The following AGPS variants were observed in gnomAD, a reference collection of about 807,000 sequenced individuals.
AGPS encodes the protein alkylglycerone phosphate synthase, also known as alkyldihydroxyacetonephosphate synthase, peroxisomal.
Under a neutral mutation model 90.7 loss-of-function variants are expected in AGPS, and 26 were observed. The observed-to-expected ratio is 0.29, with a 90% confidence interval of 0.21 to 0.40. AGPS has a LOEUF of 0.40. Among genes scored for constraint, AGPS ranks in the 10% least tolerant of loss-of-function variants. The probability of loss-of-function intolerance (pLI) is 1.00; values close to 1 mark genes in which losing one functional copy is unlikely to be tolerated. For synonymous variants in AGPS, 294 were observed against 285.3 expected, an observed-to-expected ratio of 1.03 and a Z score of -0.31; for missense variants, 540 against 816.1, an observed-to-expected ratio of 0.66 and a Z score of 4.12.
chr2:177,429,335 C>T (rs932289558), intron 2 of AGPS, among the ~76,000 whole-genome samples: 1 of 152,186 alleles, frequency 6.6e-6, no homozygotes, highest in Non-Finnish European at 1.5e-5. Context: ...CAGCCTTAGC[C>T]CAGTTCTCTG....
chr2:177,533,292 C>T (rs2079154157), intron 19 of AGPS, among the ~76,000 whole-genome samples: 1 of 152,158 alleles, frequency 6.6e-6, no homozygotes, highest in African/African-American at 2.4e-5. Flanking sequence ...GAACATTAAA[C>T]TATTAATATT....
intron 1 of AGPS, among the ~76,000 whole-genome samples, chr2:177,409,451 A>G (rs1487033522): frequency 2.0e-5 from 3 of 146,948 alleles, no homozygotes; most frequent in African/African-American, 7.6e-5. Flanking sequence ...CCTCTTTACT[A>G]TCTGATTGGT....
chr2:177,488,971 A>T (rs903809823), intron 11 of AGPS, among the ~76,000 whole-genome samples: 3 of 152,174 alleles, frequency 2.0e-5, no homozygotes, highest in African/African-American at 7.2e-5. Flanking sequence ...TAGTCTTTTA[A>T]GAGGTGCCTT....
chr2:177,468,208 T>C (rs1687513800), intron 9 of AGPS, among the ~76,000 whole-genome samples: 1 of 152,144 alleles, frequency 6.6e-6, no homozygotes, highest in Non-Finnish European at 1.5e-5. Flanking sequence ...AATCTTAGAA[T>C]GGTTTTTCCC....
At chr2:177,408,027 C>T (rs1272245550) in intron 1 of AGPS, among the ~76,000 whole-genome samples, 1 of 152,078 alleles carries the variant, frequency 6.6e-6, no homozygotes, top group Admixed American at 6.5e-5. Context: ...GGTGGTTCTC[C>T]CACCTCAGTC....
intron 15 of AGPS, among the ~76,000 whole-genome samples, 179 bp from the exon 16 acceptor site, chr2:177,507,791 G>A (rs1422417399): frequency 6.6e-6 from 1 of 152,206 alleles, no homozygotes; most frequent in Non-Finnish European, 1.5e-5. Flanking sequence ...CTTTAGTTAC[G>A]GAGGCTGCAT....
At position 177,493,186 on chromosome 2, in the gene AGPS, G is replaced by T; in HGVS notation, c.1272G>T (p.Lys424Asn). 1.2e-6 allele frequency: 2 copies of T among 1,613,104 alleles called. No individual in the cohort carries two copies. The highest frequency in any genetic ancestry group is 1.7e-6 in the Non-Finnish European group (2 of 1,179,414). The change falls in exon 12 of 20, where the codon AAG becomes AAT. Residue 424 changes from lysine (K) to asparagine (N), a missense_variant. Lys to Asn is a moderately conservative substitution (Grantham distance 94). This residue lies in a region of AGPS where 405 missense variants were observed against 692.1 expected (regional missense o/e 0.59). Transcript: ENST00000264167. ...CATCTATTCGCCTCATGGACAACAA[G>T]CAGTTTCAGTTTGGTAAGTAAGGAG... ...APASIRLMDN[K>N]QFQFGHALKP...
At chr2:177,429,401 T>C (rs1686173902) in intron 2 of AGPS, among the ~76,000 whole-genome samples, 1 of 152,208 alleles carries the variant, frequency 6.6e-6, no homozygotes. Context: ...TCTGGCTTTT[T>C]GAGTTTTCAG....
At chr2:177,454,411 C>T (rs1158506494) in intron 8 of AGPS, among the ~76,000 whole-genome samples, 1 of 151,664 alleles carries the variant, frequency 6.6e-6, no homozygotes, top group Non-Finnish European at 1.5e-5. Context: ...CTTTTTATAT[C>T]TTGCATGTCT....
At chr2:177,469,774 T>C (rs1687558190) in intron 10 of AGPS, among the ~76,000 whole-genome samples, 1 of 152,202 alleles carries the variant, frequency 6.6e-6, no homozygotes. Context: ...ATTATTGATA[T>C]TTACATAATT....
At chr2:177,502,507 C>T (rs1291563010) in intron 14 of AGPS, among the ~76,000 whole-genome samples, 1 of 150,492 alleles carries the variant, frequency 6.6e-6, no homozygotes. Flanking sequence ...CCTCAGCCTC[C>T]CTGGGCTCAA....
intron 10 of AGPS, among the ~76,000 whole-genome samples, chr2:177,479,708 C>T (rs1165796726): frequency 6.6e-6 from 1 of 152,154 alleles, no homozygotes; most frequent in Non-Finnish European, 1.5e-5. Context: ...CATGAAATGT[C>T]CAGAATAGGC....
At chr2:177,492,256 CAT>C (rs1688284566) in intron 11 of AGPS, among the ~76,000 whole-genome samples, 2 of 152,214 alleles carry the variant, frequency 1.3e-5, no homozygotes, top group South Asian at 4.2e-4. Context: ...GTTACTGTCT[CAT>C]ATTTTACTTA....
chr2:177,429,705 C>T (rs1363352533), intron 2 of AGPS, among the ~76,000 whole-genome samples: 2 of 152,152 alleles, frequency 1.3e-5, no homozygotes, highest in Admixed American at 6.5e-5. Flanking sequence ...AGCTCCGTCC[C>T]AGGGTGGGTA....
chr2:177,532,525 GGT>G (rs1325214988), intron 19 of AGPS, among the ~76,000 whole-genome samples: 1 of 152,156 alleles, frequency 6.6e-6, no homozygotes, highest in Non-Finnish European at 1.5e-5. Context: ...AATGTAAAGT[GGT>G]ACAGCCATTC....
chr2:177,400,547 C>G (rs1448870011), intron 1 of AGPS, among the ~76,000 whole-genome samples: 1 of 152,158 alleles, frequency 6.6e-6, no homozygotes, highest in African/African-American at 2.4e-5. Flanking sequence ...ACTGCAGTTA[C>G]TTTTGATGAG....
At chr2:177,491,271 AT>A (rs11330372) in intron 11 of AGPS, among the ~76,000 whole-genome samples, 124,958 of 146,362 alleles carry the variant, frequency 0.85, 53,350 homozygotes, top group East Asian at 0.94. Flanking sequence ...ATCAGTAGGA[AT>A]TTTTTTTTTT....
At chr2:177,404,784 G>A (rs1685421485) in intron 1 of AGPS, among the ~76,000 whole-genome samples, 3 of 152,048 alleles carry the variant, frequency 2.0e-5, no homozygotes, top group Non-Finnish European at 4.4e-5. Context: ...ACAACTATTA[G>A]ACTACTATTC....
At chr2:177,438,936 G>A (rs997446604) in intron 5 of AGPS, among the ~76,000 whole-genome samples, 2 of 151,688 alleles carry the variant, frequency 1.3e-5, no homozygotes, top group Non-Finnish European at 2.9e-5. Flanking sequence ...GAAATTTGAG[G>A]CAATGTGGTA....
Sources: allele counts gnomAD v4.1 joint callset (sites outside exome capture counted in the v4.1 genomes callset), GRCh38; gene constraint gnomAD v4.1.1; regional missense constraint gnomAD v4.1.1; transcripts MANE v1.5; gene names NCBI Gene and HGNC (gene_info 2026-07-23, HGNC 2026-07-21).